The following MACROD2 variants were observed in gnomAD, a reference collection of about 807,000 sequenced individuals.
The protein encoded by MACROD2 is ADP-ribose glycohydrolase MACROD2.
Under a neutral mutation model 70.4 loss-of-function variants are expected in MACROD2, and 36 were observed. The ratio of observed to expected loss-of-function variants is 0.51; its 90% confidence interval spans 0.39 to 0.68. The LOEUF is 0.68. MACROD2 is among the 30% of genes least tolerant of loss of function. The probability of loss-of-function intolerance (pLI) is 0.00; values close to 1 mark genes in which losing one functional copy is unlikely to be tolerated. For missense variants in MACROD2, 496 were observed against 538.4 expected (o/e 0.92, Z 0.78); for synonymous variants, 172 against 178.8 (o/e 0.96, Z 0.30).
chr20:15,933,851 G>C (rs113654372), intron 11 of MACROD2, among the ~76,000 whole-genome samples: 4 of 152,150 alleles, frequency 2.6e-5, no homozygotes, highest in South Asian at 4.1e-4. Flanking sequence ...CACAGAGCTC[G>C]AAGTAAGATC....
At chr20:15,989,761 T>C (rs1453966001) in intron 15 of MACROD2, among the ~76,000 whole-genome samples, 13 of 152,240 alleles carry the variant, frequency 8.5e-5, no homozygotes, top group African/African-American at 2.9e-4. Context: ...AGATATTCTT[T>C]ATAGCTTTAG....
intron 8 of MACROD2, among the ~76,000 whole-genome samples, chr20:15,514,991 A>T (rs2047547956): frequency 6.6e-6 from 1 of 152,114 alleles, no homozygotes; most frequent in South Asian, 2.1e-4. Context: ...ATCCCATGTC[A>T]CCCTCCATGC....
intron 5 of MACROD2, among the ~76,000 whole-genome samples, chr20:15,099,875 G>T (rs781714498): frequency 9.9e-5 from 15 of 151,972 alleles, no homozygotes; most frequent in Non-Finnish European, 1.9e-4. Context: ...GGCAATTCTG[G>T]TGAGGTCTCA....
intron 8 of MACROD2, among the ~76,000 whole-genome samples, chr20:15,772,101 AAT>A (rs201468504): frequency 0.068 from 6,106 of 90,418 alleles, 381 homozygotes; most frequent in East Asian, 0.16. Context: ...AAAAAAAAAA[AAT>A]ATATATATAT....
intron 5 of MACROD2, among the ~76,000 whole-genome samples, chr20:14,930,948 T>G (rs2122677382): frequency 6.6e-6 from 1 of 151,524 alleles, no homozygotes; most frequent in East Asian, 1.9e-4. Context: ...GAGGATCACT[T>G]GAGCCTAGGA....
chr20:14,015,474 G>A (rs905834030), intron 2 of MACROD2, among the ~76,000 whole-genome samples: 1 of 152,184 alleles, frequency 6.6e-6, no homozygotes, highest in African/African-American at 2.4e-5. Context: ...CTATTCAGGA[G>A]GCTGAAGTAG....
At chr20:15,431,796 G>T (rs2046366807) in intron 7 of MACROD2, among the ~76,000 whole-genome samples, 1 of 151,888 alleles carries the variant, frequency 6.6e-6, no homozygotes, top group Non-Finnish European at 1.5e-5. Flanking sequence ...TCATTATTTT[G>T]TTGCTATTTA....
At chr20:15,350,770 A>T (rs562721974) in intron 6 of MACROD2, among the ~76,000 whole-genome samples, 1 of 152,296 alleles carries the variant, frequency 6.6e-6, no homozygotes, top group African/African-American at 2.4e-5. Flanking sequence ...TCATTGAAGC[A>T]ACTTAGACTT....
At chr20:15,701,745 G>A (rs759753158) in intron 8 of MACROD2, among the ~76,000 whole-genome samples, 2 of 152,156 alleles carry the variant, frequency 1.3e-5, no homozygotes, top group Non-Finnish European at 2.9e-5. Context: ...GAGGTTTGGG[G>A]TGCAGATGGT....
intron 3 of MACROD2, among the ~76,000 whole-genome samples, chr20:14,168,798 C>T (rs2081193402): frequency 6.6e-6 from 1 of 152,156 alleles, no homozygotes; most frequent in Non-Finnish European, 1.5e-5. Context: ...GATACCAATC[C>T]TATTGACACT....
intron 5 of MACROD2, among the ~76,000 whole-genome samples, chr20:14,767,939 A>T (rs190872632): frequency 1.3e-5 from 2 of 152,018 alleles, no homozygotes; most frequent in Non-Finnish European, 2.9e-5. Flanking sequence ...GGTTTCCAGC[A>T]TCATCCATGT....
At chr20:14,993,223 G>A (rs2074920581) in intron 5 of MACROD2, among the ~76,000 whole-genome samples, 1 of 151,254 alleles carries the variant, frequency 6.6e-6, no homozygotes, top group South Asian at 2.1e-4. Flanking sequence ...GATTTCAGAT[G>A]AATTCAGATT....
intron 4 of MACROD2, among the ~76,000 whole-genome samples, chr20:14,541,453 C>T (rs1452141052): frequency 6.6e-6 from 1 of 152,114 alleles, no homozygotes; most frequent in African/African-American, 2.4e-5. Context: ...TTACTTTTCT[C>T]CTATTACTTA....
chr20:15,388,107 A>T (rs1259885552), intron 6 of MACROD2, among the ~76,000 whole-genome samples: 1 of 152,036 alleles, frequency 6.6e-6, no homozygotes, highest in Non-Finnish European at 1.5e-5. Flanking sequence ...AAGAAATAAG[A>T]CCTCAGTTGT....
intron 6 of MACROD2, among the ~76,000 whole-genome samples, chr20:15,390,836 G>A (rs1305912214): frequency 1.3e-5 from 2 of 152,146 alleles, no homozygotes; most frequent in African/African-American, 4.8e-5. Context: ...CATAAATTCA[G>A]TTTTTTTGCA....
chr20:14,158,189 C>A (rs559901544), intron 3 of MACROD2, among the ~76,000 whole-genome samples: 69 of 152,208 alleles, frequency 4.5e-4, no homozygotes, highest in African/African-American at 1.5e-3. Flanking sequence ...TGATGTTGAG[C>A]ATTTTTTCAT....
intron 8 of MACROD2, among the ~76,000 whole-genome samples, chr20:15,517,175 C>T (rs1339886892): frequency 6.6e-6 from 1 of 152,138 alleles, no homozygotes; most frequent in African/African-American, 2.4e-5. Context: ...CCACCACATA[C>T]CATTTCTCCC....
chr20:14,150,292 G>A (rs1443822210), intron 3 of MACROD2, among the ~76,000 whole-genome samples: 1 of 152,118 alleles, frequency 6.6e-6, no homozygotes, highest in African/African-American at 2.4e-5. Context: ...CTTACATGAG[G>A]TTTGAATTAG....
At chr20:15,555,849 AAAAAAG>A (rs1175501193) in intron 8 of MACROD2, among the ~76,000 whole-genome samples, 14 of 146,772 alleles carry the variant, frequency 9.5e-5, no homozygotes, top group African/African-American at 1.6e-4. Context: ...AAAAAAAAAA[AAAAAAG>A]GAAAAGAAAA....
Sources: gnomAD v4.1 joint callset for allele counts (sites outside exome capture counted in the v4.1 genomes callset) on GRCh38, gnomAD v4.1.1 for gene constraint, MANE v1.5 for transcripts, NCBI Gene and HGNC (gene_info 2026-07-23, HGNC 2026-07-21) for gene names.